Variants in CCDC83 observed in about 807,000 individuals in gnomAD.
CCDC83 encodes coiled-coil domain-containing protein 83.
A neutral mutation model predicts 50.1 loss-of-function variants in CCDC83; 54 were observed. That is an observed-to-expected ratio of 1.08 (90% CI 0.87 to 1.35). The LOEUF (loss-of-function observed/expected upper bound fraction) is 1.35. Among genes scored for constraint, CCDC83 ranks in the 40% most tolerant of loss-of-function variants. CCDC83 has a pLI of 0.00. For synonymous variants in CCDC83, 161 were observed against 153.3 expected (o/e 1.05, Z -0.37); for missense variants, 518 against 473.9 (o/e 1.09, Z -0.86).
intron 7 of CCDC83, among the ~76,000 whole-genome samples, chr11:85,909,605 T>C (rs1257800820): frequency 7.6e-6 from 1 of 132,214 alleles, no homozygotes; most frequent in Non-Finnish European, 1.6e-5. Context: ...GTCATCAAAA[T>C]ACACTTTTTT....
intron 2 of CCDC83, 151 bp from the exon 3 acceptor site, chr11:85,873,060 G>A: frequency 2.5e-6 from 1 of 406,900 alleles, no homozygotes; most frequent in Non-Finnish European, 4.5e-6. Context: ...GAGTAAAATA[G>A]ATTCAGAAAC....
In CCDC83 at chr11:85,881,062, A is replaced by G. The variant is rs1474492152; in HGVS notation, c.181-1451A>G. Among the ~76,000 whole-genome samples the G allele has an allele frequency of 3.3e-5, 5 of 152,136 alleles. No individual in the cohort carries two copies. The East Asian group carries it at 9.6e-4, about 29-fold the overall frequency. On this transcript the variant is annotated intron_variant, in intron 3 of 10. Transcript: ENST00000342404. ...CATTTTCCATTTGTGGCATCATGTT[A>G]GTACTCAAGAAGTTTCAGATTTTAG...
chr11:85,894,960 G>C (rs76840696), intron 5 of CCDC83, among the ~76,000 whole-genome samples: 1 of 152,192 alleles, frequency 6.6e-6, no homozygotes, highest in African/African-American at 2.4e-5. Flanking sequence ...TGAGAGGACA[G>C]AGAATCCTGT....
chr11:85,886,091 T>C lies in CCDC83; in HGVS notation c.344-109T>C, dbSNP rs551045067. 2.3e-4 allele frequency: 172 copies of C among 734,328 alleles called. No individual in the cohort carries two copies. In the African/African-American group the frequency reaches 2.8e-3, roughly 12 times the overall value. The allele number at this position is 734,328 out of a possible 1,614,324, so 45.5% of individuals were successfully genotyped here. A position where few individuals can be genotyped will look rare whatever the true frequency, so the allele number is the denominator to read the frequency against. On this transcript the variant is annotated intron_variant, in intron 4 of 10. Coordinates refer to ENST00000342404, the MANE Select transcript of CCDC83 (RefSeq NM_001286159.2). Reference sequence around the variant, plus strand: ...TAAATTTTAGATATAAAATAGTATTTATGAGTTAACAGTATTTTAATATCA... The same window carrying C: ...TAAATTTTAGATATAAAATAGTATTCATGAGTTAACAGTATTTTAATATCA...
At chr11:85,856,398 CATA>C (rs1566064223) in intron 1 of CCDC83, among the ~76,000 whole-genome samples, 4 of 152,178 alleles carry the variant, frequency 2.6e-5, no homozygotes, top group South Asian at 2.1e-4. Context: ...CCCTTATCCT[CATA>C]ATAATATTTT....
chr11:85,919,392 T>C lies in CCDC83; in HGVS notation c.1124T>C (p.Val375Ala), dbSNP rs2135166813. The change falls in exon 11 of 11, where the codon GTG becomes GCG. Residue 375 changes from valine (V) to alanine (A), a missense_variant. By Grantham distance (64) the Val-to-Ala change is moderately conservative. Transcript: ENST00000342404. Reference sequence around the variant, plus strand: ...CCCCTGGGAGTGAAGCTTATGAGTGTGGAGAGCAAGAAAATGCCCATTCAT... The same window carrying C: ...CCCCTGGGAGTGAAGCTTATGAGTGCGGAGAGCAAGAAAATGCCCATTCAT... ...LGPLGVKLMS[V>A]ESKKMPIHFQ... 2 of 1,613,822 alleles carry C rather than the reference T, an allele frequency of 1.2e-6. No individual in the cohort carries two copies. Among genetic ancestry groups the C allele is most frequent in the Middle Eastern group, 1.6e-4 (1 of 6,062 alleles).
chr11:85,868,350 T>C (rs900822750), intron 2 of CCDC83, among the ~76,000 whole-genome samples: 1 of 152,218 alleles, frequency 6.6e-6, no homozygotes, highest in Non-Finnish European at 1.5e-5. Flanking sequence ...ATAGATTTTT[T>C]TGAAAGTCAA....
chr11:85,901,201 A>AAC (rs2093400091), intron 7 of CCDC83, among the ~76,000 whole-genome samples: 2 of 151,694 alleles, frequency 1.3e-5, no homozygotes, highest in South Asian at 4.2e-4. Flanking sequence ...ACTCCATCTC[A>AAC]ATATATATAT....
At position 85,855,568 on chromosome 11, in the gene CCDC83, C is replaced by T. The variant is rs1272977482; in HGVS notation, c.-45C>T. On this transcript the variant is annotated 5_prime_UTR_variant, in exon 1 of 11. Transcript: ENST00000342404. ...ATTATTTGCCCTCTCGAAAGGCAGG[C>T]TCTGAATTTGATTCAGGTTTGTAAC... 3.3e-5 allele frequency: 5 copies of T among 152,430 alleles called. No individual in the cohort carries two copies. The highest frequency in any genetic ancestry group is 1.2e-4 in the African/African-American group (5 of 41,470). 9.4% of individuals were successfully genotyped at this position (152,430 alleles called of 1,614,324 possible). A position where few individuals can be genotyped will look rare whatever the true frequency, so the allele number is the denominator to read the frequency against.
intron 8 of CCDC83, among the ~76,000 whole-genome samples, chr11:85,913,955 T>C (rs1271570075): frequency 1.3e-5 from 2 of 152,242 alleles, no homozygotes; most frequent in Admixed American, 6.5e-5. Context: ...AAAAGCTAGA[T>C]TCCTGAAGGT....
intron 5 of CCDC83, among the ~76,000 whole-genome samples, chr11:85,894,373 A>T (rs764577899): frequency 6.6e-6 from 1 of 152,226 alleles, no homozygotes; most frequent in African/African-American, 2.4e-5. Flanking sequence ...TTACATAAAT[A>T]AAGCACAACT....
At chr11:85,869,848 C>A (rs2093227528) in intron 2 of CCDC83, among the ~76,000 whole-genome samples, 1 of 152,140 alleles carries the variant, frequency 6.6e-6, no homozygotes, top group South Asian at 2.1e-4. Flanking sequence ...TAAAACACAC[C>A]TTTTCATGAA....
chr11:85,865,261 G>A (rs1305768530), intron 2 of CCDC83, 43 bp downstream of exon 2: 2 of 1,192,378 alleles, frequency 1.7e-6, no homozygotes, highest in Non-Finnish European at 2.5e-6. Context: ...ATAGATAAAA[G>A]GCAGTCATTG....
At chr11:85,894,858 T>A (rs1202636405) in intron 5 of CCDC83, among the ~76,000 whole-genome samples, 1 of 152,238 alleles carries the variant, frequency 6.6e-6, no homozygotes, top group Non-Finnish European at 1.5e-5. Context: ...AGAAGGGATA[T>A]TGATTTCATG....
At chr11:85,865,345 C>T (rs1435122583) in intron 2 of CCDC83, 127 bp downstream of exon 2, 1 of 653,364 alleles carries the variant, frequency 1.5e-6, no homozygotes. Flanking sequence ...GGTTTGGAGG[C>T]CTAATTGCAC....
At chr11:85,882,365 ACCT>A in intron 3 of CCDC83, 145 bp from the exon 4 acceptor site, 1 of 658,914 alleles carries the variant, frequency 1.5e-6, no homozygotes. Flanking sequence ...TAGGGATACC[ACCT>A]CATAATGTCT....
chr11:85,905,984 A>AT (rs1331738824), intron 7 of CCDC83, among the ~76,000 whole-genome samples: 1 of 151,856 alleles, frequency 6.6e-6, no homozygotes, highest in Non-Finnish European at 1.5e-5. Context: ...AAAAAAAAAA[A>AT]AAAAAAAGAG....
At chr11:85,860,471 A>G (rs979441725) in intron 1 of CCDC83, among the ~76,000 whole-genome samples, 1 of 152,258 alleles carries the variant, frequency 6.6e-6, no homozygotes, top group Non-Finnish European at 1.5e-5. Flanking sequence ...CACAATGGTA[A>G]TTATTAAAAA....
At chr11:85,856,638 G>A (rs2093143035) in intron 1 of CCDC83, among the ~76,000 whole-genome samples, 2 of 152,200 alleles carry the variant, frequency 1.3e-5, no homozygotes, top group Admixed American at 1.3e-4. Flanking sequence ...GATTGGTGAA[G>A]AAAATACATG....
Sources: allele counts gnomAD v4.1 joint callset (sites outside exome capture counted in the v4.1 genomes callset), GRCh38; gene constraint gnomAD v4.1.1; transcripts MANE v1.5; gene names NCBI Gene and HGNC (gene_info 2026-07-23, HGNC 2026-07-21).